The following ZSCAN2 variants were observed in gnomAD, a reference collection of about 807,000 sequenced individuals.
ZSCAN2 encodes the protein zinc finger and SCAN domain containing 2, also known as zinc finger and SCAN domain-containing protein 2.
A neutral mutation model predicts 47.8 loss-of-function variants in ZSCAN2; 26 were observed. The observed-to-expected ratio is 0.54, with a 90% CI of 0.40 to 0.75. The LOEUF is 0.75. Ranked by LOEUF, ZSCAN2 falls within the 30% of genes least tolerant of loss-of-function variation. The probability of loss-of-function intolerance (pLI) is 0.00; values close to 1 mark genes in which losing one functional copy is unlikely to be tolerated. For missense variants in ZSCAN2, 732 were observed against 785.4 expected (o/e 0.93, Z 0.81); for synonymous variants, 305 against 288.7 (o/e 1.06, Z -0.57).
rs546615866 is a variant in ZSCAN2, at chr15:84,602,791, A to G, written c.-108-1029A>G. 7.7e-4 allele frequency among the ~76,000 whole-genome samples: 117 copies of G among 151,026 alleles called. 1 individual carries two copies. The highest frequency in any genetic ancestry group is 2.8e-3 in the African/African-American group (114 of 41,142). ...TTTGGTAGAGACGGGGTTTCACTAT[A>G]TTGGCCAGGCTGGTCTCGAACTCCT... On this transcript the variant is annotated intron_variant, in intron 1 of 2. Coordinates refer to ENST00000546148, the MANE Select transcript of ZSCAN2 (RefSeq NM_181877.4).
intron 1 of ZSCAN2, chr15:84,602,259 A>G (rs1895228935): frequency 6.6e-6 from 1 of 152,062 alleles, no homozygotes; most frequent in Admixed American, 6.5e-5. Flanking sequence ...CTGTGAGTTC[A>G]TTTTTAAAGG....
intron 2 of ZSCAN2, chr15:84,616,421 G>A: frequency 5.7e-6 from 9 of 1,581,094 alleles, no homozygotes; most frequent in South Asian, 3.5e-5. Flanking sequence ...CCAAACACAG[G>A]AAGTGATTTT....
chr15:84,620,804 C>T lies in ZSCAN2; in HGVS notation c.609C>T (p.Asp203=). ...GEDHGEVVSQ[D]REVGQLIGLQ... ...ACCACGGGGAGGTGGTTTCTCAGGA[C>T]AGGGAAGTTGGCCAGCTCATAGGCC... is the stretch of plus-strand genomic sequence containing the variant. The change falls in exon 3 of 3, where the codon GAC becomes GAT. Residue 203 remains aspartate (D), a synonymous_variant. Transcript: ENST00000546148. The T allele has an allele frequency of 1.2e-6, 2 of 1,614,218 alleles. No individual in the cohort carries two copies. Among genetic ancestry groups the T allele is most frequent in the Non-Finnish European group, 1.7e-6 (2 of 1,180,048 alleles).
In ZSCAN2 at chr15:84,622,479, T is replaced by G; in HGVS notation, c.*439T>G. On this transcript the variant is annotated 3_prime_UTR_variant, in exon 3 of 3. Coordinates refer to ENST00000546148, the MANE Select transcript of ZSCAN2 (RefSeq NM_181877.4). ...TTGTTTTGCTGCCACGTTGTTGGGCTAAGGTGCCTTCACCCCAAGCTGTTA... is the reference window on the plus strand; with the variant it reads ...TTGTTTTGCTGCCACGTTGTTGGGCGAAGGTGCCTTCACCCCAAGCTGTTA... 3.2e-6 allele frequency: 2 copies of G among 631,272 alleles called. No homozygotes were observed. The highest frequency in any genetic ancestry group is 5.8e-6 in the Non-Finnish European group (2 of 346,210). 39.1% of individuals were successfully genotyped at this position (631,272 alleles called of 1,614,324 possible).
At chr15:84,607,482 T>A (rs554248990) in intron 2 of ZSCAN2, among the ~76,000 whole-genome samples, 1 of 149,164 alleles carries the variant, frequency 6.7e-6, no homozygotes, top group Non-Finnish European at 1.5e-5. Context: ...CAGATCTTGC[T>A]CTTTCTTGAA....
At position 84,621,954 on chromosome 15, in the gene ZSCAN2, A is replaced by G; in HGVS notation, c.1759A>G (p.Lys587Glu). Reference protein sequence around the residue: ...QRIHTGEKPYKCPECGKGFSN... With the variant: ...QRIHTGEKPYECPECGKGFSN... Reference sequence around the variant, plus strand: ...AATCCACACTGGGGAGAAGCCCTACAAATGCCCCGAGTGTGGCAAAGGCTT... The same window carrying G: ...AATCCACACTGGGGAGAAGCCCTACGAATGCCCCGAGTGTGGCAAAGGCTT... Residue 587 changes from lysine to glutamate, a missense_variant, in exon 3 of 3, where the codon AAA (lysine) becomes GAA (glutamate). By Grantham distance (56) the Lys-to-Glu change is moderately conservative. This residue lies in a region of ZSCAN2 where 412 missense variants were observed against 498.0 expected (regional missense o/e 0.83). Transcript: ENST00000546148. This position sits in a 1 kb window ranked among gnomAD's most constrained non-coding sequence, Gnocchi z 5.7. 6.2e-7 allele frequency: 1 copy of G among 1,613,258 alleles called. No homozygotes were observed. Among genetic ancestry groups the G allele is most frequent in the Non-Finnish European group, 8.5e-7 (1 of 1,179,650 alleles).
chr15:84,619,350 A>T (rs559848753), intron 2 of ZSCAN2, among the ~76,000 whole-genome samples: 6 of 152,066 alleles, frequency 3.9e-5, no homozygotes, highest in South Asian at 4.1e-4. Context: ...GAATGGCGTG[A>T]ACTGGGGAGG....
intron 2 of ZSCAN2, among the ~76,000 whole-genome samples, chr15:84,617,882 G>A (rs1277789155): frequency 1.3e-5 from 2 of 152,180 alleles, no homozygotes; most frequent in Non-Finnish European, 2.9e-5. Context: ...TGAGGCTACA[G>A]TGAGCTGCGA....
At chr15:84,616,288 C>G (rs1895691522) in intron 2 of ZSCAN2, 5 of 1,190,802 alleles carry the variant, frequency 4.2e-6, no homozygotes, top group Non-Finnish European at 6.3e-6. Flanking sequence ...GTCAAAGGCT[C>G]TTTCCTTCTC....
intron 2 of ZSCAN2, chr15:84,607,036 C>T (rs1461709573): frequency 2.0e-5 from 5 of 250,562 alleles, no homozygotes; most frequent in Admixed American, 6.5e-5. Context: ...TAGTCAGTGG[C>T]GGTTTAATGT....
chr15:84,612,855 T>G (rs1254925064), intron 2 of ZSCAN2, among the ~76,000 whole-genome samples: 1 of 152,246 alleles, frequency 6.6e-6, no homozygotes, highest in Non-Finnish European at 1.5e-5. Context: ...GTTCAAAGAC[T>G]TGACATTTAA....
chr15:84,606,447 C>G (rs1376989895), intron 2 of ZSCAN2: 11 of 1,187,910 alleles, frequency 9.3e-6, no homozygotes, highest in Non-Finnish European at 1.4e-5. Context: ...AAGCAAAGTG[C>G]TTGATTTTCT....
chr15:84,621,964 A>C lies in ZSCAN2; in HGVS notation c.1769A>C (p.Glu590Ala), dbSNP rs182456686. 1.1e-5 allele frequency: 17 copies of C among 1,614,184 alleles called. No individual in the cohort carries two copies. The Admixed American group carries it at 2.0e-4, about 19-fold the overall frequency. Residue 590 changes from glutamate (E) to alanine (A), a missense_variant, in exon 3 of 3, where the codon GAG (glutamate) becomes GCG (alanine). Physicochemically the swap from Glu to Ala is moderately radical, Grantham distance 107. Coordinates refer to ENST00000546148, the MANE Select transcript of ZSCAN2 (RefSeq NM_181877.4). This position sits in a 1 kb window ranked among gnomAD's most constrained non-coding sequence, Gnocchi z 5.7. ...HTGEKPYKCP[E>A]CGKGFSNSSN... Reference sequence around the variant, plus strand: ...GGGGAGAAGCCCTACAAATGCCCCGAGTGTGGCAAAGGCTTCAGCAACAGC... The same window carrying C: ...GGGGAGAAGCCCTACAAATGCCCCGCGTGTGGCAAAGGCTTCAGCAACAGC...
At chr15:84,615,148 G>A (rs1183242565) in intron 2 of ZSCAN2, among the ~76,000 whole-genome samples, 1 of 152,076 alleles carries the variant, frequency 6.6e-6, no homozygotes. Context: ...TAGAGACGGG[G>A]TTTCACCATA....
In ZSCAN2 at chr15:84,621,236, C is replaced by T; in HGVS notation, c.1041C>T (p.Ser347=). 5 of 1,612,784 alleles carry T rather than the reference C, an allele frequency of 3.1e-6. No homozygotes were observed. The South Asian group carries it at 5.5e-5, about 18-fold the overall frequency. ...PECGKSFGNR[S]SLNTHQGIHT... ...GTGGAAAGAGCTTTGGCAACCGATCCAGCCTTAACACGCATCAGGGGATCC... is the reference window on the plus strand; with the variant it reads ...GTGGAAAGAGCTTTGGCAACCGATCTAGCCTTAACACGCATCAGGGGATCC... The change falls in exon 3 of 3, where the codon TCC becomes TCT. Residue 347 remains serine, a synonymous_variant. Coordinates refer to ENST00000546148, the MANE Select transcript of ZSCAN2 (RefSeq NM_181877.4). The surrounding 1 kb of genome is among the most constrained non-coding windows in gnomAD (Gnocchi z 5.7).
intron 1 of ZSCAN2, among the ~76,000 whole-genome samples, chr15:84,601,761 G>C (rs1181363086): frequency 2.0e-5 from 3 of 151,978 alleles, no homozygotes; most frequent in African/African-American, 7.3e-5. Flanking sequence ...GCCCAGGTTG[G>C]TCATGAACTC....
Position 84,604,122 on chromosome 15 carries a change from C to G in ZSCAN2, c.195C>G (p.Pro65=). 1 of 1,613,942 alleles carries G rather than the reference C, an allele frequency of 6.2e-7. No homozygotes were observed. Among genetic ancestry groups the G allele is most frequent in the Non-Finnish European group, 8.5e-7 (1 of 1,179,960 alleles). ...CCCAGAGTGCTGGCAAGGGCGGCCCCCAGGAGGAGGTGACCAGGGGACCAC... is the reference window on the plus strand; with the variant it reads ...CCCAGAGTGCTGGCAAGGGCGGCCCGCAGGAGGAGGTGACCAGGGGACCAC... The part of the protein sequence containing the change: ...PFPQSAGKGG[P]QEEVTRGPQG... The change falls in exon 2 of 3, where the codon CCC becomes CCG. Residue 65 remains proline (P), a synonymous_variant. Coordinates refer to ENST00000546148, the MANE Select transcript of ZSCAN2 (RefSeq NM_181877.4).
In ZSCAN2 at chr15:84,617,392, C is replaced by T. The variant is rs545763761; in HGVS notation, c.407-3210C>T. Among the ~76,000 whole-genome samples the T allele has an allele frequency of 2.8e-4, 43 of 151,968 alleles. 1 individual carries two copies. In the East Asian group the frequency reaches 4.1e-3, roughly 14 times the overall value. On this transcript the variant is annotated intron_variant, in intron 2 of 2. Coordinates refer to ENST00000546148, the MANE Select transcript of ZSCAN2 (RefSeq NM_181877.4). Reference sequence around the variant, plus strand: ...CGGAGCTTGCCCTGAGCCAGGATCGCGCCACTGCACTCCAGCCTGGGTGAC... The same window carrying T: ...CGGAGCTTGCCCTGAGCCAGGATCGTGCCACTGCACTCCAGCCTGGGTGAC...
rs1895824616 is a variant in ZSCAN2, at chr15:84,621,822, T to A, written c.1627T>A (p.Ser543Thr). The change falls in exon 3 of 3, where the codon TCC becomes ACC. Residue 543 changes from serine (S) to threonine (T), a missense_variant. Physicochemically the swap from Ser to Thr is moderately conservative, Grantham distance 58 (BLOSUM62 1). Transcript: ENST00000546148. This position sits in a 1 kb window ranked among gnomAD's most constrained non-coding sequence, Gnocchi z 5.7. Reference sequence around the variant, plus strand: ...GTGCGGCAAGAGCTTCAGCCGGGGCTCCATTCTGGTCATGCACCAGAGAGC... The same window carrying A: ...GTGCGGCAAGAGCTTCAGCCGGGGCACCATTCTGGTCATGCACCAGAGAGC... ...LMCGKSFSRG[S>T]ILVMHQRAHL... 1 of 1,614,178 alleles carries A rather than the reference T, an allele frequency of 6.2e-7. No individual in the cohort carries two copies. Among genetic ancestry groups the A allele is most frequent in the Non-Finnish European group, 8.5e-7 (1 of 1,180,024 alleles).
Sources: gnomAD v4.1 joint callset for allele counts (sites outside exome capture counted in the v4.1 genomes callset) on GRCh38, gnomAD v4.1.1 for gene constraint, gnomAD v4.1.1 regional missense constraint, Gnocchi (gnomAD v3.1) non-coding constraint, MANE v1.5 for transcripts, NCBI Gene and HGNC (gene_info 2026-07-23, HGNC 2026-07-21) for gene names.